Variants in RB1CC1 observed in about 807,000 individuals in gnomAD.
RB1CC1 encodes the protein RB1 inducible coiled-coil 1.
Under a neutral mutation model 177.5 loss-of-function variants are expected in RB1CC1, and 46 were observed. The ratio of observed to expected loss-of-function variants is 0.26; its 90% confidence interval spans 0.20 to 0.33. The LOEUF (loss-of-function observed/expected upper bound fraction) is 0.33. RB1CC1 is among the 10% of genes least tolerant of loss of function. RB1CC1 has a pLI of 1.00. For synonymous variants in RB1CC1, 666 were observed against 613.6 expected, an observed-to-expected ratio of 1.09 and a Z score of -1.26; for missense variants, 1,703 against 1,816.3, an observed-to-expected ratio of 0.94 and a Z score of 1.13.
chr8:52,690,082 T>C (rs1053627466), intron 1 of RB1CC1, among the ~76,000 whole-genome samples: 6 of 152,208 alleles, frequency 3.9e-5, no homozygotes, highest in Admixed American at 1.3e-4. Flanking sequence ...GGTGCAGACC[T>C]AGAAAAGTCA....
At chr8:52,655,812 T>A (rs1383839767) in intron 15 of RB1CC1, among the ~76,000 whole-genome samples, 196 bp downstream of exon 15, 1 of 152,158 alleles carries the variant, frequency 6.6e-6, no homozygotes, top group Non-Finnish European at 1.5e-5. Context: ...ATTCATTTTT[T>A]AAAAGCCACT....
At chr8:52,651,398 G>A (rs2150447016) in intron 15 of RB1CC1, among the ~76,000 whole-genome samples, 1 of 152,306 alleles carries the variant, frequency 6.6e-6, no homozygotes, top group South Asian at 2.1e-4. Flanking sequence ...GGTACAGTTG[G>A]GTAGTTTGGA....
chr8:52,688,839 T>G (rs2150622846), intron 1 of RB1CC1, among the ~76,000 whole-genome samples: 1 of 152,328 alleles, frequency 6.6e-6, no homozygotes, highest in African/African-American at 2.4e-5. Context: ...AGCTGTAAAA[T>G]TCCTCTATTT....
chr8:52,653,052 C>T (rs537434808), intron 15 of RB1CC1, among the ~76,000 whole-genome samples: 5 of 152,036 alleles, frequency 3.3e-5, no homozygotes, highest in South Asian at 2.1e-4. Context: ...AGCGAAACTC[C>T]GTCTCAAAAA....
intron 22 of RB1CC1, among the ~76,000 whole-genome samples, chr8:52,627,549 C>T (rs1325334309): frequency 2.0e-5 from 3 of 151,830 alleles, no homozygotes; most frequent in Non-Finnish European, 4.4e-5. Context: ...GACATTGTTA[C>T]TTAGTATATT....
intron 22 of RB1CC1, among the ~76,000 whole-genome samples, chr8:52,625,987 C>T (rs185536457): frequency 3.1e-4 from 47 of 152,232 alleles, no homozygotes; most frequent in South Asian, 1.2e-3. Context: ...CTGAAGAATA[C>T]GATCACATGA....
chr8:52,666,878 G>C (rs1318106453), intron 8 of RB1CC1, among the ~76,000 whole-genome samples: 1 of 152,182 alleles, frequency 6.6e-6, no homozygotes, highest in Non-Finnish European at 1.5e-5. Context: ...AAATGAAACG[G>C]ATATGGTGAA....
At chr8:52,680,342 C>A (rs920151797) in intron 5 of RB1CC1, among the ~76,000 whole-genome samples, 1 of 152,054 alleles carries the variant, frequency 6.6e-6, no homozygotes, top group Non-Finnish European at 1.5e-5. Context: ...GAAGAAGACA[C>A]GGCTGAAAAC....
At chr8:52,680,852 T>C (rs565894367) in intron 5 of RB1CC1, among the ~76,000 whole-genome samples, 2 of 152,158 alleles carry the variant, frequency 1.3e-5, no homozygotes, top group East Asian at 1.9e-4. Flanking sequence ...GACCAAGTAA[T>C]GTTGGTTTAG....
intron 18 of RB1CC1, among the ~76,000 whole-genome samples, chr8:52,636,386 C>A (rs1340751800): frequency 6.6e-6 from 1 of 152,036 alleles, no homozygotes; most frequent in East Asian, 1.9e-4. Context: ...ATGATAAAGT[C>A]GTAGTTCTTG....
At chr8:52,688,467 C>T (rs111264844) in intron 1 of RB1CC1, among the ~76,000 whole-genome samples, 26 of 152,318 alleles carry the variant, frequency 1.7e-4, no homozygotes, top group East Asian at 7.7e-4. Flanking sequence ...GCAGTACCCT[C>T]AGGCTTACTA....
At chr8:52,686,500 T>A (rs759073165) in intron 2 of RB1CC1, among the ~76,000 whole-genome samples, 1 of 152,176 alleles carries the variant, frequency 6.6e-6, no homozygotes, top group Non-Finnish European at 1.5e-5. Context: ...GAGCTACGAT[T>A]GTGCCACTGC....
chr8:52,645,873 A>G lies in RB1CC1; in HGVS notation c.3822-6T>C. ...TGGTAGAGTCAATGGCAGGACTTAC[A>G]AATTAAATACAGCATTAAATTAAAA... On this transcript the variant is annotated splice_polypyrimidine_tract_variant and splice_region_variant and intron_variant, in intron 15 of 23. Transcript: ENST00000025008. The G allele has an allele frequency of 6.3e-7, 1 of 1,582,582 alleles. No homozygotes were observed. The highest frequency in any genetic ancestry group is 1.2e-5 in the South Asian group (1 of 84,608).
At chr8:52,686,573 T>G (rs1176515868) in intron 2 of RB1CC1, among the ~76,000 whole-genome samples, 2 of 151,988 alleles carry the variant, frequency 1.3e-5, no homozygotes, top group East Asian at 3.9e-4. Flanking sequence ...AAAAAAAACT[T>G]AAAATAATGA....
At chr8:52,666,843 G>GA (rs752969981) in intron 8 of RB1CC1, among the ~76,000 whole-genome samples, 8 of 152,044 alleles carry the variant, frequency 5.3e-5, no homozygotes, top group Non-Finnish European at 1.2e-4. Context: ...TAGATAAAAA[G>GA]AAAGAAAATA....
At chr8:52,713,585 G>C (rs1471900312) in intron 1 of RB1CC1, among the ~76,000 whole-genome samples, 1 of 152,136 alleles carries the variant, frequency 6.6e-6, no homozygotes. Context: ...GGTGAGCTTC[G>C]TTCGGCCTCG....
Position 52,660,536 on chromosome 8 carries a change from T to A in RB1CC1, c.1689+60A>T. The A allele has an allele frequency of 6.4e-6, 9 of 1,413,002 alleles. No individual in the cohort carries two copies. In the South Asian group the frequency reaches 1.2e-4, roughly 18 times the overall value. The allele number at this position is 1,413,002 out of a possible 1,614,324, so 87.5% of individuals were successfully genotyped here. On this transcript the variant is annotated intron_variant, in intron 12 of 23. Coordinates refer to ENST00000025008, the MANE Select transcript of RB1CC1 (RefSeq NM_014781.5). ...CAAGTTTCTGATAAATGTCTCTACT[T>A]CTGGAAAAAAGGTTTTAAAACATAT...
Position 52,657,926 on chromosome 8 carries a change from AGGC to A in RB1CC1, c.1921-21_1921-19del, listed in dbSNP as rs1851220191. 2 of 1,611,666 alleles carry A rather than the reference AGGC, an allele frequency of 1.2e-6. No individual in the cohort carries two copies. The highest frequency in any genetic ancestry group is 2.7e-5 in the African/African-American group (2 of 74,706). On this transcript the variant is annotated intron_variant, in intron 14 of 23. Coordinates refer to ENST00000025008, the MANE Select transcript of RB1CC1 (RefSeq NM_014781.5). ...ACAGATGCCTGGAAAACAGAAAGAA[AGGC>A]TTAAAGAGCTGCAGGAACACAAACA...
chr8:52,650,353 G>C lies in RB1CC1; in HGVS notation c.3822-4486C>G, dbSNP rs535460280. Among the ~76,000 whole-genome samples the C allele has an allele frequency of 2.0e-5, 3 of 152,300 alleles. No homozygotes were observed. The East Asian group carries it at 5.8e-4, about 29-fold the overall frequency. On this transcript the variant is annotated intron_variant, in intron 15 of 23. Coordinates refer to ENST00000025008, the MANE Select transcript of RB1CC1 (RefSeq NM_014781.5). Reference sequence around the variant, plus strand: ...TGGAGGTGGTTGTAGCCAAACATGTGGGCAATGTGAGATTCGTAAGAGACT... The same window carrying C: ...TGGAGGTGGTTGTAGCCAAACATGTCGGCAATGTGAGATTCGTAAGAGACT...
Sources: allele counts gnomAD v4.1 joint callset (sites outside exome capture counted in the v4.1 genomes callset), GRCh38; gene constraint gnomAD v4.1.1; transcripts MANE v1.5; gene names NCBI Gene and HGNC (gene_info 2026-07-23, HGNC 2026-07-21).